Variants in ENC1 observed in about 807,000 individuals in gnomAD.
The protein encoded by ENC1 is ectodermal-neural cortex 1.
Under a neutral mutation model 40.9 loss-of-function variants are expected in ENC1, and 19 were observed. That is an observed-to-expected ratio of 0.46 (90% CI 0.32 to 0.68). ENC1 has a LOEUF of 0.68. ENC1 is among the 30% of genes least tolerant of loss of function. ENC1 has a pLI of 0.03. For missense variants in ENC1, 479 were observed against 737.5 expected, an observed-to-expected ratio of 0.65 and a Z score of 4.06; for synonymous variants, 285 against 291.1, an observed-to-expected ratio of 0.98 and a Z score of 0.21.
Position 74,628,477 on chromosome 5 carries a change from G to C in ENC1, c.*1548C>G, listed in dbSNP as rs1322173723. The C allele has an allele frequency of 6.6e-6, 1 of 152,626 alleles. No individual in the cohort carries two copies. The highest frequency in any genetic ancestry group is 1.5e-5 in the Non-Finnish European group (1 of 68,042). The allele number at this position is 152,626 out of a possible 1,614,324, so 9.5% of individuals were successfully genotyped here. Reference sequence around the variant, plus strand: ...AGCACTAATACCTACGACGGCACATGCTTAGTAAACAAGCACTCCAACTAG... The same window carrying C: ...AGCACTAATACCTACGACGGCACATCCTTAGTAAACAAGCACTCCAACTAG... On this transcript the variant is annotated 3_prime_UTR_variant, in exon 3 of 3. Coordinates refer to ENST00000302351, the MANE Select transcript of ENC1 (RefSeq NM_003633.4).
At chr5:74,639,060 C>A (rs1580351319) in intron 1 of ENC1, among the ~76,000 whole-genome samples, 1 of 152,208 alleles carries the variant, frequency 6.6e-6, no homozygotes, top group Non-Finnish European at 1.5e-5. Flanking sequence ...GTTGGCCCAA[C>A]AAGCCAGAAG....
At position 74,635,062 on chromosome 5, in the gene ENC1, G is replaced by A. The variant is rs1296224716; in HGVS notation, c.1424C>T (p.Pro475Leu). The A allele has an allele frequency of 1.4e-5, 22 of 1,613,726 alleles. No individual in the cohort carries two copies. The highest frequency in any genetic ancestry group is 8.0e-5 in the African/African-American group (6 of 74,928). Residue 475 changes from proline (P) to leucine (L), a missense_variant, in exon 2 of 3, where the codon CCG becomes CTG. Coordinates refer to ENST00000302351, the MANE Select transcript of ENC1 (RefSeq NM_003633.4). The surrounding 1 kb of genome is among the most constrained non-coding windows in gnomAD (Gnocchi z 5.5). Reference protein sequence around the residue: ...YDQCENRWTVPATCPQPWRYT... With the variant: ...YDQCENRWTVLATCPQPWRYT... ...ACGCCAGGGCTGGGGACAGGTGGCC[G>A]GTACAGTCCACCTGTTTTCACACTG...
Position 74,635,330 on chromosome 5 carries a change from G to A in ENC1, c.1156C>T (p.Leu386=), listed in dbSNP as rs770945434. 28 of 1,614,168 alleles carry A rather than the reference G, an allele frequency of 1.7e-5. No homozygotes were observed. Among genetic ancestry groups the A allele is most frequent in the Non-Finnish European group, 2.4e-5 (28 of 1,180,036 alleles). ...CCAACCACATACAGGCAGTGCTTCA[G>A]TTCAGCAGAGCCATGGCCAAACCTG... ...VARFGHGSAE[L]KHCLYVVGGH... is the part of the protein sequence containing the mutation. Residue 386 remains leucine (L), a synonymous_variant, in exon 2 of 3, where the codon CTG becomes TTG. Transcript: ENST00000302351. This position sits in a 1 kb window ranked among gnomAD's most constrained non-coding sequence, Gnocchi z 5.5.
At chr5:74,638,811 C>T (rs1242096699) in intron 1 of ENC1, among the ~76,000 whole-genome samples, 3 of 152,194 alleles carry the variant, frequency 2.0e-5, no homozygotes, top group Non-Finnish European at 2.9e-5. Flanking sequence ...GCAAATGCTG[C>T]CCTGAGTGAA....
At chr5:74,632,331 A>G (rs1414284906) in intron 2 of ENC1, 1 of 152,204 alleles carries the variant, frequency 6.6e-6, no homozygotes, top group African/African-American at 2.4e-5. Context: ...CATATCTCAA[A>G]TGAAATAACC....
chr5:74,640,197 TC>T (rs1019487074), intron 1 of ENC1, 109 bp downstream of exon 1: 1 of 150,596 alleles, frequency 6.6e-6, no homozygotes, highest in African/African-American at 2.5e-5. Flanking sequence ...TAGTCGAAGC[TC>T]CCGAGTGCTC....
In ENC1 at chr5:74,629,212, G is replaced by C. The variant is rs1346045479; in HGVS notation, c.*813C>G. 1 of 137,594 alleles carries C rather than the reference G, an allele frequency of 7.3e-6. No homozygotes were observed. The highest frequency in any genetic ancestry group is 1.6e-5 in the Non-Finnish European group (1 of 63,516). 8.5% of individuals were successfully genotyped at this position (137,594 alleles called of 1,614,324 possible). A position where few individuals can be genotyped will look rare whatever the true frequency, so the allele number is the denominator to read the frequency against. On this transcript the variant is annotated 3_prime_UTR_variant, in exon 3 of 3. Coordinates refer to ENST00000302351, the MANE Select transcript of ENC1 (RefSeq NM_003633.4). The stretch of plus-strand genomic sequence containing the variant: ...CCACCCTCCAGTTATGCTCCAAATT[G>C]TAACTCAAAAATTTTCATGTTTGTG...
At chr5:74,630,803 T>G (rs1272808750) in intron 2 of ENC1, among the ~76,000 whole-genome samples, 2 of 152,228 alleles carry the variant, frequency 1.3e-5, no homozygotes, top group Non-Finnish European at 2.9e-5. Flanking sequence ...TCTGGGGAAA[T>G]TGTGCAGAGG....
intron 1 of ENC1, among the ~76,000 whole-genome samples, chr5:74,638,061 C>T (rs1253106264): frequency 2.6e-5 from 4 of 152,128 alleles, no homozygotes; most frequent in Non-Finnish European, 5.9e-5. Context: ...CCAAGGATTC[C>T]TAAGGAAGCT....
Position 74,635,414 on chromosome 5 carries a change from C to T in ENC1, c.1072G>A (p.Val358Ile). ...RGSENGVSKD[V>I]WVYDTLHEEW... ...TCGTGCAGGGTATCATAAACCCAGA[C>T]ATCTTTTGAGACCCCATTTTCAGAC... Residue 358 changes from valine (V) to isoleucine (I), a missense_variant, in exon 2 of 3, where the codon GTC (valine) becomes ATC (isoleucine). Val to Ile is a conservative substitution (Grantham distance 29). Transcript: ENST00000302351. The surrounding 1 kb of genome is among the most constrained non-coding windows in gnomAD (Gnocchi z 5.5). 6.2e-7 allele frequency: 1 copy of T among 1,614,150 alleles called. No individual in the cohort carries two copies. Among genetic ancestry groups the T allele is most frequent in the Non-Finnish European group, 8.5e-7 (1 of 1,180,014 alleles).
chr5:74,638,859 CCA>C (rs1212196696), intron 1 of ENC1, among the ~76,000 whole-genome samples: 1 of 152,172 alleles, frequency 6.6e-6, no homozygotes, highest in Non-Finnish European at 1.5e-5. Flanking sequence ...TGCACAGGCA[CCA>C]AAATGCTTAC....
At chr5:74,632,418 T>C (rs1747424892) in intron 2 of ENC1, among the ~76,000 whole-genome samples, 1 of 152,228 alleles carries the variant, frequency 6.6e-6, no homozygotes, top group Non-Finnish European at 1.5e-5. Flanking sequence ...TGTGAGACAC[T>C]ATTAGCCCAG....
In ENC1 at chr5:74,630,760, C is replaced by T. The variant is rs560795354; in HGVS notation, c.*33-768G>A. Among the ~76,000 whole-genome samples, 16 of 152,342 alleles carry T rather than the reference C, an allele frequency of 1.1e-4. No homozygotes were observed. In the South Asian group the frequency reaches 1.9e-3, roughly 18 times the overall value. ...ATAGAGCTTGCATTTCCTCACACTG[C>T]TTACTCTTCCCATTTATTTATTTCT... is the stretch of plus-strand genomic sequence containing the variant. On this transcript the variant is annotated intron_variant, in intron 2 of 2. Transcript: ENST00000302351.
chr5:74,627,626 A>G lies in ENC1; in HGVS notation c.*2399T>C, dbSNP rs1320711389. On this transcript the variant is annotated 3_prime_UTR_variant, in exon 3 of 3. Transcript: ENST00000302351. ...AGCTCTAATCACTCTTATTCAAGAC[A>G]GGTGTCAAGCCCAAAGAAAAGGGGC... 2 of 152,672 alleles carry G rather than the reference A, an allele frequency of 1.3e-5. No individual in the cohort carries two copies. Among genetic ancestry groups the G allele is most frequent in the African/African-American group, 4.8e-5 (2 of 41,468 alleles). The allele number at this position is 152,672 out of a possible 1,614,324, so 9.5% of individuals were successfully genotyped here. A position where few individuals can be genotyped will look rare whatever the true frequency, so the allele number is the denominator to read the frequency against.
chr5:74,635,600 C>T lies in ENC1; in HGVS notation c.886G>A (p.Ala296Thr). The T allele has an allele frequency of 6.2e-7, 1 of 1,614,234 alleles. No individual in the cohort carries two copies. Reference protein sequence around the residue: ...LCARPRKTGHALFLLGGQTFM... With the variant: ...LCARPRKTGHTLFLLGGQTFM... The stretch of plus-strand genomic sequence containing the variant: ...GTCTGTCCTCCCAGAAGGAAGAGGG[C>T]ATGGCCAGTTTTCCGAGGTCGGGCA... The change falls in exon 2 of 3, where the codon GCC becomes ACC. Residue 296 changes from alanine (A) to threonine (T), a missense_variant. Transcript: ENST00000302351. The surrounding 1 kb of genome is among the most constrained non-coding windows in gnomAD (Gnocchi z 5.5).
At position 74,631,449 on chromosome 5, in the gene ENC1, G is replaced by C. The variant is rs562254063; in HGVS notation, c.*33-1457C>G. Reference sequence around the variant, plus strand: ...GCAGAGGAATTTGCAGTTTGGGACTGAGACCCACCTACCCAGCACTTTAAG... The same window carrying C: ...GCAGAGGAATTTGCAGTTTGGGACTCAGACCCACCTACCCAGCACTTTAAG... On this transcript the variant is annotated intron_variant, in intron 2 of 2. Coordinates refer to ENST00000302351, the MANE Select transcript of ENC1 (RefSeq NM_003633.4). 9.2e-5 allele frequency among the ~76,000 whole-genome samples: 14 copies of C among 152,286 alleles called. 1 individual carries two copies. In the South Asian group the frequency reaches 2.9e-3, roughly 32 times the overall value.
At position 74,634,984 on chromosome 5, in the gene ENC1, G is replaced by C. The variant is rs779337258; in HGVS notation, c.1502C>G (p.Thr501Arg). 6.2e-7 allele frequency: 1 copy of C among 1,614,070 alleles called. No homozygotes were observed. Among genetic ancestry groups the C allele is most frequent in the African/African-American group, 1.3e-5 (1 of 74,926 alleles). ...GNQIFIMGGD[T>R]EFSACSAYKF... ...ATAAGCAGAGCAGGCAGAGAATTCTGTATCACCCCCCATAATAAAAATCTG... is the reference window on the plus strand; with the variant it reads ...ATAAGCAGAGCAGGCAGAGAATTCTCTATCACCCCCCATAATAAAAATCTG... Residue 501 changes from threonine (T) to arginine (R), a missense_variant, in exon 2 of 3, where the codon ACA becomes AGA. Thr to Arg is a moderately conservative substitution (Grantham distance 71). Coordinates refer to ENST00000302351, the MANE Select transcript of ENC1 (RefSeq NM_003633.4).
chr5:74,631,371 G>A (rs1392823933), intron 2 of ENC1, among the ~76,000 whole-genome samples: 1 of 152,134 alleles, frequency 6.6e-6, no homozygotes, highest in Admixed American at 6.5e-5. Flanking sequence ...TAAGACCTAG[G>A]GAAACTTTCT....
Position 74,634,879 on chromosome 5 carries a change from G to GTT in ENC1, c.1606_1607insAA (p.Ser536Ter). 6.2e-7 allele frequency: 1 copy of GTT among 1,614,216 alleles called. No homozygotes were observed. Among genetic ancestry groups the GTT allele is most frequent in the Non-Finnish European group, 8.5e-7 (1 of 1,180,034 alleles). ...AKRMSCHAVA[S>*]GNKLYVVGGY... ...TCCAACCACGTAGAGTTTGTTTCCA[G>GTT]AGGCCACAGCATGGCAGCTCATGCG... Residue 536 changes from serine (S) to a stop codon, truncating the protein, a stop_gained and frameshift_variant, in exon 2 of 3, where the codon TCT becomes TAACT. Coordinates refer to ENST00000302351, the MANE Select transcript of ENC1 (RefSeq NM_003633.4). LOFTEE classifies it high-confidence loss of function.
Sources: gnomAD v4.1 joint callset for allele counts (sites outside exome capture counted in the v4.1 genomes callset) on GRCh38, gnomAD v4.1.1 for gene constraint, Gnocchi (gnomAD v3.1) non-coding constraint, MANE v1.5 for transcripts, NCBI Gene and HGNC (gene_info 2026-07-23, HGNC 2026-07-21) for gene names.